PRIMPOL: variants seen among roughly 807,000 people sequenced by gnomAD.
PRIMPOL encodes the protein primase and DNA directed polymerase, also known as DNA-directed primase/polymerase protein.
In PRIMPOL, 54 loss-of-function variants were observed where a neutral mutation model predicts 63.6. That is an observed-to-expected ratio of 0.85 (90% CI 0.68 to 1.07). PRIMPOL has a LOEUF of 1.07. PRIMPOL is among the 50% of genes least tolerant of loss of function. The pLI is 0.00. For missense variants in PRIMPOL, 610 were observed against 648.3 expected (o/e 0.94, Z 0.64); for synonymous variants, 197 against 220.2 (o/e 0.89, Z 0.93).
At position 184,649,827 on chromosome 4, in the gene PRIMPOL, G is replaced by C. The variant is rs1358692060; in HGVS notation, c.-219G>C. ...CTTGGAAACCGCGCCAGGCCCAACG[G>C]GTACCTAGAAGGGAGACAAAGCCAG... On this transcript the variant is annotated 5_prime_UTR_variant, in exon 1 of 14. Coordinates refer to ENST00000314970, the MANE Select transcript of PRIMPOL (RefSeq NM_152683.4). 1 of 152,320 alleles carries C rather than the reference G, an allele frequency of 6.6e-6. No individual in the cohort carries two copies. Among genetic ancestry groups the C allele is most frequent in the East Asian group, 1.9e-4 (1 of 5,192 alleles). The allele number at this position is 152,320 out of a possible 1,614,324, so 9.4% of individuals were successfully genotyped here.
chr4:184,654,660 G>T (rs1745769000), intron 2 of PRIMPOL, among the ~76,000 whole-genome samples: 1 of 151,996 alleles, frequency 6.6e-6, no homozygotes, highest in Admixed American at 6.5e-5. Flanking sequence ...CACTGTGTTA[G>T]CCAGGATGGT....
In PRIMPOL at chr4:184,678,226, A is replaced by T. The variant is rs113673423; in HGVS notation, c.845-6A>T. On this transcript the variant is annotated splice_polypyrimidine_tract_variant and splice_region_variant and intron_variant, in intron 7 of 13. Coordinates refer to ENST00000314970, the MANE Select transcript of PRIMPOL (RefSeq NM_152683.4). ...TTTCATATTGTTTTATCAATTTTTG[A>T]TGTAGGAGTTTATACAAGAAATAGA... The T allele has an allele frequency of 1.9e-6, 3 of 1,539,512 alleles. No individual in the cohort carries two copies. The African/African-American group carries it at 4.2e-5, about 22-fold the overall frequency.
chr4:184,659,680 A>C (rs952939014), intron 4 of PRIMPOL, among the ~76,000 whole-genome samples: 4 of 152,306 alleles, frequency 2.6e-5, no homozygotes, highest in Admixed American at 1.3e-4. Flanking sequence ...GGAGTTTTGA[A>C]ATTTCTCTTT....
chr4:184,692,499 A>AAAAT (rs1382564936), intron 13 of PRIMPOL, among the ~76,000 whole-genome samples: 1 of 151,266 alleles, frequency 6.6e-6, no homozygotes, highest in Non-Finnish European at 1.5e-5. Context: ...AAAAAGAAAG[A>AAAAT]AAATACATAA....
chr4:184,665,255 T>C (rs1749525543), intron 5 of PRIMPOL, among the ~76,000 whole-genome samples: 1 of 152,184 alleles, frequency 6.6e-6, no homozygotes, highest in African/African-American at 2.4e-5. Context: ...ATTATTCCTG[T>C]TTAGCAGCTG....
rs547395761 is a variant in PRIMPOL, at chr4:184,680,198, T to TA, written c.1007+1804_1007+1805insA. 0.017 allele frequency among the ~76,000 whole-genome samples: 11 copies of TA among 640 alleles called. No individual in the cohort carries two copies. In the Admixed American group the frequency reaches 0.19, roughly 11 times the overall value. 0.4% of individuals were successfully genotyped at this position (640 alleles called of 152,430 possible). Reference sequence around the variant, plus strand: ...TTTCCTTTTGCCTTTCTAAATATAATTTTTTTTTTGAGACAGTCTTGCTCT... The same window carrying TA: ...TTTCCTTTTGCCTTTCTAAATATAATATTTTTTTTTGAGACAGTCTTGCTCT... On this transcript the variant is annotated intron_variant, in intron 8 of 13. Coordinates refer to ENST00000314970, the MANE Select transcript of PRIMPOL (RefSeq NM_152683.4).
At chr4:184,679,362 A>G (rs1423017878) in intron 8 of PRIMPOL, among the ~76,000 whole-genome samples, 1 of 152,186 alleles carries the variant, frequency 6.6e-6, no homozygotes. Context: ...AGGCTGAGGT[A>G]GGAGGATCAC....
intron 7 of PRIMPOL, among the ~76,000 whole-genome samples, chr4:184,674,049 G>A (rs1337667552): frequency 6.6e-5 from 10 of 152,194 alleles, no homozygotes; most frequent in Non-Finnish European, 1.2e-4. Flanking sequence ...GTAACAGGAA[G>A]TTGATCCAGG....
At chr4:184,672,012 T>A (rs928241029) in intron 6 of PRIMPOL, among the ~76,000 whole-genome samples, 161 bp from the exon 7 acceptor site, 1 of 152,218 alleles carries the variant, frequency 6.6e-6, no homozygotes, top group Non-Finnish European at 1.5e-5. Context: ...AGTGCTGGGA[T>A]TACAGGCGTG....
intron 1 of PRIMPOL, among the ~76,000 whole-genome samples, chr4:184,650,510 A>G (rs1743994032): frequency 6.6e-6 from 1 of 152,138 alleles, no homozygotes; most frequent in African/African-American, 2.4e-5. Flanking sequence ...TTTGTTTATT[A>G]AAGTATAGTA....
At chr4:184,674,854 C>T (rs1010341575) in intron 7 of PRIMPOL, among the ~76,000 whole-genome samples, 13 of 152,238 alleles carry the variant, frequency 8.5e-5, no homozygotes, top group East Asian at 1.9e-4. Context: ...TCATCTGAAA[C>T]GGCGACAACA....
At chr4:184,668,029 T>C (rs1750561028) in intron 6 of PRIMPOL, among the ~76,000 whole-genome samples, 1 of 152,208 alleles carries the variant, frequency 6.6e-6, no homozygotes, top group African/African-American at 2.4e-5. Context: ...TTAGTAATGG[T>C]AGAGTCCATC....
chr4:184,689,575 C>CA (rs1397276109), intron 11 of PRIMPOL, among the ~76,000 whole-genome samples: 16 of 151,450 alleles, frequency 1.1e-4, no homozygotes, highest in Non-Finnish European at 2.2e-4. Context: ...GCCTCAGCCC[C>CA]CCGAGTAGCT....
chr4:184,685,722 A>G lies in PRIMPOL; in HGVS notation c.1295+38A>G, dbSNP rs778590822. 7 of 861,868 alleles carry G rather than the reference A, an allele frequency of 8.1e-6. No individual in the cohort carries two copies. The East Asian group carries it at 2.0e-4, about 25-fold the overall frequency. The allele number at this position is 861,868 out of a possible 1,614,324, so 53.4% of individuals were successfully genotyped here. A position where few individuals can be genotyped will look rare whatever the true frequency, so the allele number is the denominator to read the frequency against. ...AATGATTTGTGTGTATTTAACCAAT[A>G]TTATATTTTAAATATTTATAACTTT... On this transcript the variant is annotated intron_variant, in intron 11 of 13. Transcript: ENST00000314970.
intron 6 of PRIMPOL, among the ~76,000 whole-genome samples, chr4:184,671,356 G>T (rs1751561275): frequency 1.3e-5 from 2 of 152,078 alleles, no homozygotes; most frequent in Non-Finnish European, 2.9e-5. Context: ...TGAGAAATTT[G>T]CCAGTGCCCT....
At position 184,659,371 on chromosome 4, in the gene PRIMPOL, T is replaced by G; in HGVS notation, c.212T>G (p.Val71Gly). 6.2e-7 allele frequency: 1 copy of G among 1,613,996 alleles called. No individual in the cohort carries two copies. The highest frequency in any genetic ancestry group is 8.5e-7 in the Non-Finnish European group (1 of 1,179,868). The change falls in exon 4 of 14, where the codon GTA (valine) becomes GGA (glycine). Residue 71 changes from valine to glycine, a missense_variant. This residue lies in a region of PRIMPOL where 159 missense variants were observed against 168.9 expected (regional missense o/e 0.94). Transcript: ENST00000314970. ...DVHVFALECK[V>G]GDGQRIYLVT... ...CATGTATTTGCTTTGGAATGCAAAG[T>G]AGGAGATGGACAACGTATTTACCTT...
intron 3 of PRIMPOL, 46 bp from the exon 4 acceptor site, chr4:184,659,294 T>C (rs748957199): frequency 2.1e-6 from 3 of 1,436,378 alleles, no homozygotes; most frequent in African/African-American, 2.8e-5. Flanking sequence ...TGAGTTTAGG[T>C]TTGCATTTTG....
At chr4:184,655,409 C>T (rs1334905226) in intron 2 of PRIMPOL, among the ~76,000 whole-genome samples, 2 of 150,796 alleles carry the variant, frequency 1.3e-5, no homozygotes, top group African/African-American at 4.9e-5. Flanking sequence ...CTGGCACCTC[C>T]ACTCCTGGTT....
Position 184,694,765 on chromosome 4 carries a change from G to GTATT in PRIMPOL, c.1670_1673dup (p.Leu558PhefsTer10). ...AATTCCTGATGAACTAATTATAGAA[G>GTATT]TATTACAAGAGTAACTAATTCACTA... On this transcript the variant is annotated frameshift_variant, in exon 14 of 14. Coordinates refer to ENST00000314970, the MANE Select transcript of PRIMPOL (RefSeq NM_152683.4). LOFTEE classifies it high-confidence loss of function. 6.2e-7 allele frequency: 1 copy of GTATT among 1,609,802 alleles called. No homozygotes were observed.
Sources: gnomAD v4.1 joint callset for allele counts (sites outside exome capture counted in the v4.1 genomes callset) on GRCh38, gnomAD v4.1.1 for gene constraint, gnomAD v4.1.1 regional missense constraint, MANE v1.5 for transcripts, NCBI Gene and HGNC (gene_info 2026-07-23, HGNC 2026-07-21) for gene names.